The following RDX variants were observed in gnomAD, a reference collection of about 807,000 sequenced individuals.
RDX encodes deafness, autosomal recessive 24.
In RDX, 32 loss-of-function variants were observed where a neutral mutation model predicts 83.7. The ratio of observed to expected loss-of-function variants is 0.38; its 90% confidence interval spans 0.29 to 0.51. The LOEUF is 0.51. Ranked by LOEUF, RDX falls within the 20% of genes least tolerant of loss-of-function variation. The pLI is 0.87. For missense variants in RDX, 600 were observed against 689.9 expected, an observed-to-expected ratio of 0.87 and a Z score of 1.46; for synonymous variants, 229 against 222.7, an observed-to-expected ratio of 1.03 and a Z score of -0.25.
chr11:110,196,501 G>A (rs184976260), intron 15 of RDX, among the ~76,000 whole-genome samples: 113 of 152,316 alleles, frequency 7.4e-4, no homozygotes, highest in Non-Finnish European at 1.4e-3. Context: ...TTATGATGTG[G>A]ATATAAGATG....
chr11:110,202,921 G>A (rs1863467339), intron 14 of RDX, among the ~76,000 whole-genome samples: 1 of 152,100 alleles, frequency 6.6e-6, no homozygotes, highest in African/African-American at 2.4e-5. Flanking sequence ...GGGAACCTTT[G>A]TACACTGTTG....
chr11:110,233,478 G>A lies in RDX; in HGVS notation c.1346C>T (p.Ala449Val). Residue 449 changes from alanine (A) to valine (V), a missense_variant and splice_region_variant, in exon 13 of 14, where the codon GCT becomes GTT. By Grantham distance (64) the Ala-to-Val change is moderately conservative. Transcript: ENST00000645495. ...TTCCAAGTCTTCCTGGGCTGCAAAA[G>A]CCTGAACATTAAAAATACGTTTATG... ...EEEATEWQHK[A>V]FAAQEDLEKT... The A allele has an allele frequency of 6.2e-7, 1 of 1,613,984 alleles. No homozygotes were observed. Among genetic ancestry groups the A allele is most frequent in the Non-Finnish European group, 8.5e-7 (1 of 1,179,982 alleles).
intron 14 of RDX, among the ~76,000 whole-genome samples, chr11:110,200,121 AAAGTT>A (rs1409396932): frequency 6.6e-6 from 1 of 152,204 alleles, no homozygotes; most frequent in Non-Finnish European, 1.5e-5. Context: ...AGGCATTGTT[AAAGTT>A]ATTTTCAGGT....
chr11:110,266,202 A>G (rs540427182), intron 3 of RDX, among the ~76,000 whole-genome samples: 102 of 150,028 alleles, frequency 6.8e-4, no homozygotes, highest in Non-Finnish European at 7.2e-4. Context: ...GCGTGGTGGC[A>G]TGCGCCTGTA....
chr11:110,199,043 G>C (rs568038864), intron 15 of RDX, among the ~76,000 whole-genome samples: 10 of 152,084 alleles, frequency 6.6e-5, no homozygotes, highest in Non-Finnish European at 1.3e-4. Context: ...TCGAACTCCT[G>C]ACCTCAGGTG....
Position 110,210,148 on chromosome 11 carries a change from C to A in RDX, c.1749-10470G>T, listed in dbSNP as rs1277574940. Among the ~76,000 whole-genome samples the A allele has an allele frequency of 5.3e-5, 6 of 112,154 alleles. 1 individual carries two copies. Among genetic ancestry groups the A allele is most frequent in the Non-Finnish European group, 9.3e-5 (5 of 54,014 alleles). 73.6% of individuals were successfully genotyped at this position (112,154 alleles called of 152,430 possible). A position where few individuals can be genotyped will look rare whatever the true frequency, so the allele number is the denominator to read the frequency against. On this transcript the variant is annotated intron_variant, in intron 14 of 15. Transcript: ENST00000528498. ...CAATACAGAGAAGTGCTTAAAGGAG[C>A]TGATGGAGCTGAAAACCAAGGCTCG...
At chr11:110,223,805 C>T (rs1179984954) in intron 14 of RDX, among the ~76,000 whole-genome samples, 1 of 152,184 alleles carries the variant, frequency 6.6e-6, no homozygotes, top group Non-Finnish European at 1.5e-5. Flanking sequence ...GTGGCTCACG[C>T]CTGTAATCCC....
chr11:110,279,983 C>T (rs1316777420), intron 1 of RDX, among the ~76,000 whole-genome samples: 1 of 152,084 alleles, frequency 6.6e-6, no homozygotes, highest in Admixed American at 6.5e-5. Context: ...ATGTTATAAA[C>T]ACACTGATCT....
At chr11:110,208,364 T>G (rs1247341652) in intron 14 of RDX, among the ~76,000 whole-genome samples, 1 of 152,192 alleles carries the variant, frequency 6.6e-6, no homozygotes, top group Non-Finnish European at 1.5e-5. Context: ...TAACTTCATT[T>G]TTCAGCTCTC....
At chr11:110,280,829 A>G (rs1860731754) in intron 1 of RDX, among the ~76,000 whole-genome samples, 1 of 152,128 alleles carries the variant, frequency 6.6e-6, no homozygotes, top group African/African-American at 2.4e-5. Context: ...CCCTGTCTCA[A>G]AAACAAACAA....
chr11:110,243,633 G>A (rs947422332), intron 10 of RDX, among the ~76,000 whole-genome samples: 4 of 151,946 alleles, frequency 2.6e-5, no homozygotes, highest in African/African-American at 4.8e-5. Context: ...TATGAGAATC[G>A]CTTGAAGCTC....
At chr11:110,264,935 T>C in intron 3 of RDX, 61 bp from the exon 4 acceptor site, 2 of 1,190,918 alleles carry the variant, frequency 1.7e-6, no homozygotes, top group African/African-American at 1.5e-5. Flanking sequence ...TGTGTCTAGA[T>C]GATACTACAC....
At chr11:110,244,215 A>G (rs571109048) in intron 10 of RDX, among the ~76,000 whole-genome samples, 38 of 152,000 alleles carry the variant, frequency 2.5e-4, no homozygotes, top group Non-Finnish European at 4.9e-4. Flanking sequence ...TATAAAAATT[A>G]GCTGGGTGTG....
chr11:110,240,027 ATATCCAGCAATAG>A (rs1231355965), intron 10 of RDX, among the ~76,000 whole-genome samples: 1 of 151,906 alleles, frequency 6.6e-6, no homozygotes, highest in African/African-American at 2.4e-5. Flanking sequence ...GTATCCAGCA[ATATCCAGCAATAG>A]TATCCAGCAA....
chr11:110,219,072 G>C (rs1447594085), intron 14 of RDX, among the ~76,000 whole-genome samples: 1 of 152,126 alleles, frequency 6.6e-6, no homozygotes, highest in African/African-American at 2.4e-5. Context: ...GAAAAATAAA[G>C]GCAAGAAATG....
At chr11:110,198,486 A>G (rs532340005) in intron 15 of RDX, among the ~76,000 whole-genome samples, 49 of 152,356 alleles carry the variant, frequency 3.2e-4, no homozygotes, top group African/African-American at 1.2e-3. Flanking sequence ...ACTGGGTGGC[A>G]TAGCAAAAGC....
At chr11:110,185,575 A>G (rs1862970360) in intron 15 of RDX, 1 of 152,122 alleles carries the variant, frequency 6.6e-6, no homozygotes, top group African/African-American at 2.4e-5. Flanking sequence ...TGTTTTCACA[A>G]CTCCTGCAGG....
chr11:110,195,417 C>T (rs1357045234), intron 15 of RDX: 1 of 152,230 alleles, frequency 6.6e-6, no homozygotes, highest in East Asian at 1.9e-4. Context: ...TGCCACTGAA[C>T]TCTCCTCAAC....
intron 1 of RDX, among the ~76,000 whole-genome samples, chr11:110,296,190 G>A (rs1382800722): frequency 1.3e-5 from 2 of 152,170 alleles, no homozygotes; most frequent in Admixed American, 1.3e-4. Context: ...CCGCGGCGGC[G>A]AAGGTCGACT....
Sources: gnomAD v4.1 joint callset for allele counts (sites outside exome capture counted in the v4.1 genomes callset) on GRCh38, gnomAD v4.1.1 for gene constraint, MANE v1.5 for transcripts, NCBI Gene and HGNC (gene_info 2026-07-23, HGNC 2026-07-21) for gene names.